Variants in INIP observed in about 807,000 individuals in gnomAD.
INIP encodes INTS3 and NABP interacting protein.
In INIP, 9 loss-of-function variants were observed where a neutral mutation model predicts 14.0. The observed-to-expected ratio is 0.64, with a 90% confidence interval of 0.39 to 1.12. INIP has a LOEUF of 1.12. Among genes scored for constraint, INIP ranks in the 50% most tolerant of loss-of-function variants. The pLI is 0.01. For synonymous variants in INIP, 37 were observed against 41.5 expected, an observed-to-expected ratio of 0.89 and a Z score of 0.41; for missense variants, 78 against 122.7, an observed-to-expected ratio of 0.64 and a Z score of 1.72.
intron 2 of INIP, among the ~76,000 whole-genome samples, chr9:112,695,255 G>GAAAAAAAAAAAAAAAAAAAA (rs60657759): frequency 1.5e-5 from 1 of 64,696 alleles, no homozygotes. Flanking sequence ...CAGAACTACA[G>GAAAAAAAAAAAAAAAAAAAA]AAAAAAAAAA....
chr9:112,715,403 A>G (rs1819930097), intron 2 of INIP, among the ~76,000 whole-genome samples: 2 of 152,156 alleles, frequency 1.3e-5, no homozygotes, highest in Admixed American at 6.6e-5. Context: ...CATTAACCTT[A>G]GCTTACTGTA....
At chr9:112,690,031 CT>C (rs1464802534) in intron 3 of INIP, among the ~76,000 whole-genome samples, 3 of 151,974 alleles carry the variant, frequency 2.0e-5, no homozygotes, top group Non-Finnish European at 4.4e-5. Context: ...AAGAATAAGT[CT>C]TTTTTCCTTC....
At chr9:112,715,348 C>T (rs960813385) in intron 2 of INIP, among the ~76,000 whole-genome samples, 1 of 152,180 alleles carries the variant, frequency 6.6e-6, no homozygotes, top group African/African-American at 2.4e-5. Flanking sequence ...ACACTGTACA[C>T]TTAGGCTGCA....
chr9:112,704,113 T>C (rs1838383219), intron 2 of INIP, among the ~76,000 whole-genome samples: 1 of 152,216 alleles, frequency 6.6e-6, no homozygotes, highest in Non-Finnish European at 1.5e-5. Flanking sequence ...CAAAGAATTG[T>C]GTGCGACTAA....
chr9:112,716,261 G>A (rs886535385), intron 2 of INIP, among the ~76,000 whole-genome samples, 200 bp downstream of exon 2: 1 of 151,852 alleles, frequency 6.6e-6, no homozygotes, highest in South Asian at 2.1e-4. Context: ...TAGTAGAGAC[G>A]GGGTTCCTGA....
At chr9:112,689,420 G>A in intron 4 of INIP, 107 bp downstream of exon 4, 1 of 875,906 alleles carries the variant, frequency 1.1e-6, no homozygotes, top group Non-Finnish European at 1.9e-6. Flanking sequence ...ATTATGTGTG[G>A]AACATTTTTA....
intron 2 of INIP, among the ~76,000 whole-genome samples, chr9:112,707,927 T>G (rs1838531129): frequency 6.6e-6 from 1 of 152,188 alleles, no homozygotes; most frequent in African/African-American, 2.4e-5. Context: ...AAATATTTAT[T>G]GTGTTGGGGA....
chr9:112,689,561 T>C lies in INIP; in HGVS notation c.185A>G (p.Gln62Arg). 6.2e-7 allele frequency: 1 copy of C among 1,614,222 alleles called. No homozygotes were observed. The part of the protein sequence containing the change: ...NKDFRDHAEQ[Q>R]HIAAQQKAAL... ...TGCCTTCTGTTGGGCTGCAATATGC[T>C]GCTGCTCAGCGTGATCCCGGAAGTC... Residue 62 changes from glutamine to arginine, a missense_variant, in exon 4 of 5, where the codon CAG becomes CGG. Coordinates refer to ENST00000374242, the MANE Select transcript of INIP (RefSeq NM_021218.3).
At chr9:112,708,778 C>T (rs1454257754) in intron 2 of INIP, among the ~76,000 whole-genome samples, 1 of 151,818 alleles carries the variant, frequency 6.6e-6, no homozygotes, top group African/African-American at 2.4e-5. Flanking sequence ...CTCACAGCAG[C>T]CTCAACCTCC....
intron 2 of INIP, among the ~76,000 whole-genome samples, chr9:112,698,047 GT>G (rs907697661): frequency 3.0e-4 from 45 of 152,238 alleles, no homozygotes; most frequent in African/African-American, 1.0e-3. Context: ...GCTCACGCCT[GT>G]AATCCCAGCA....
intron 4 of INIP, among the ~76,000 whole-genome samples, chr9:112,688,692 G>A (rs1047291774): frequency 6.6e-6 from 1 of 151,886 alleles, no homozygotes; most frequent in African/African-American, 2.4e-5. Flanking sequence ...ACAGTGGCAT[G>A]TGCCTGTAGT....
intron 4 of INIP, among the ~76,000 whole-genome samples, 171 bp from the exon 5 acceptor site, chr9:112,687,804 G>C (rs1837730431): frequency 6.6e-6 from 1 of 152,068 alleles, no homozygotes; most frequent in South Asian, 2.1e-4. Flanking sequence ...ATCAGTTCTT[G>C]GCTGGGCGCG....
At chr9:112,716,774 G>C (rs1363950998) in intron 1 of INIP, among the ~76,000 whole-genome samples, 1 of 151,646 alleles carries the variant, frequency 6.6e-6, no homozygotes, top group African/African-American at 2.4e-5. Context: ...GTGAAACCCA[G>C]TCTCTACTAA....
At chr9:112,692,182 G>A (rs764006953) in intron 3 of INIP, among the ~76,000 whole-genome samples, 41 of 152,172 alleles carry the variant, frequency 2.7e-4, no homozygotes, top group Non-Finnish European at 5.4e-4. Context: ...AGACTGCAGC[G>A]GGTTGAGGCA....
intron 2 of INIP, among the ~76,000 whole-genome samples, chr9:112,700,538 T>TATATATATATATATATATA (rs112196431): frequency 8.2e-6 from 1 of 122,212 alleles, no homozygotes; most frequent in African/African-American, 3.6e-5. Context: ...TATATATATA[T>TATATATATATATATATATA]TATATATACC....
At chr9:112,690,767 C>T (rs1159554894) in intron 3 of INIP, among the ~76,000 whole-genome samples, 1 of 152,206 alleles carries the variant, frequency 6.6e-6, no homozygotes, top group East Asian at 1.9e-4. Flanking sequence ...AGGAAGGCTT[C>T]TGAGAGTGTT....
chr9:112,705,969 G>A (rs1490785256), intron 2 of INIP, among the ~76,000 whole-genome samples: 8 of 152,152 alleles, frequency 5.3e-5, no homozygotes, highest in South Asian at 4.1e-4. Flanking sequence ...GCACGGTTAC[G>A]AACACCCTCT....
chr9:112,686,572 C>T lies in INIP; in HGVS notation c.*966G>A. 6.6e-6 allele frequency: 1 copy of T among 152,416 alleles called. No individual in the cohort carries two copies. Among genetic ancestry groups the T allele is most frequent in the Non-Finnish European group, 1.5e-5 (1 of 68,082 alleles). 9.4% of individuals were successfully genotyped at this position (152,416 alleles called of 1,614,324 possible). On this transcript the variant is annotated 3_prime_UTR_variant, in exon 5 of 5. Transcript: ENST00000374242. ...AGTGCAGTGACACCGTCTCAGCTCA[C>T]TGCAACCCCTGCCTCCCAGGTTCAA...
intron 2 of INIP, among the ~76,000 whole-genome samples, chr9:112,694,553 GT>G (rs1838009414): frequency 6.6e-6 from 1 of 152,274 alleles, no homozygotes; most frequent in East Asian, 1.9e-4. Context: ...TACAGCATTT[GT>G]TTTTTAACAA....
Sources: allele counts gnomAD v4.1 joint callset (sites outside exome capture counted in the v4.1 genomes callset), GRCh38; gene constraint gnomAD v4.1.1; transcripts MANE v1.5; gene names NCBI Gene and HGNC (gene_info 2026-07-23, HGNC 2026-07-21).